The following DNM2 variants were observed in gnomAD, a reference collection of about 807,000 sequenced individuals.
The protein encoded by DNM2 is dynamin 2, also known as dynamin-2.
DNM2 carries 15 observed loss-of-function variants against 99.0 expected under a neutral mutation model. The observed-to-expected ratio is 0.15, with a 90% confidence interval of 0.10 to 0.23. DNM2 has a LOEUF of 0.23. DNM2 is among the 10% of genes least tolerant of loss of function. DNM2 has a pLI of 1.00. For missense variants in DNM2, 742 were observed against 1,189.4 expected, an observed-to-expected ratio of 0.62 and a Z score of 5.53; for synonymous variants, 525 against 481.2, an observed-to-expected ratio of 1.09 and a Z score of -1.19.
intron 2 of DNM2, among the ~76,000 whole-genome samples, chr19:10,761,008 G>A (rs1568284634): frequency 6.6e-6 from 1 of 151,074 alleles, no homozygotes; most frequent in African/African-American, 2.4e-5. Context: ...TTTATTTTTT[G>A]AGACAAAGTC....
At chr19:10,727,488 C>T (rs1015156512) in intron 1 of DNM2, among the ~76,000 whole-genome samples, 1 of 152,058 alleles carries the variant, frequency 6.6e-6, no homozygotes, top group South Asian at 2.1e-4. Context: ...ACTTCAGCCT[C>T]CCAATTAGCT....
In DNM2 at chr19:10,796,908, G is replaced by A. The variant is rs1026583619; in HGVS notation, c.1197-472G>A. Among the ~76,000 whole-genome samples, 1 of 152,154 alleles carries A rather than the reference G, an allele frequency of 6.6e-6. No homozygotes were observed. The highest frequency in any genetic ancestry group is 1.5e-5 in the Non-Finnish European group (1 of 68,018). On this transcript the variant is annotated intron_variant, in intron 9 of 20. Transcript: ENST00000389253. This position sits in a 1 kb window ranked among gnomAD's most constrained non-coding sequence, Gnocchi z 5.6. Reference sequence around the variant, plus strand: ...AAGCAGCTGAAATGCCTCCCAGTGGGCAGTCTGTGCTTGCGCGACCACAGT... The same window carrying A: ...AAGCAGCTGAAATGCCTCCCAGTGGACAGTCTGTGCTTGCGCGACCACAGT...
intron 1 of DNM2, among the ~76,000 whole-genome samples, chr19:10,720,212 A>AT (rs1466145085): frequency 3.4e-4 from 49 of 145,422 alleles, no homozygotes; most frequent in Middle Eastern, 3.4e-3. Context: ...TTATTTATTT[A>AT]TTTATTTTTT....
intron 1 of DNM2, among the ~76,000 whole-genome samples, chr19:10,736,633 GTCTC>G (rs906380533): frequency 1.3e-5 from 2 of 152,162 alleles, no homozygotes; most frequent in African/African-American, 4.8e-5. Flanking sequence ...TTTAGACAAA[GTCTC>G]TCTCTGGCAC....
In DNM2 at chr19:10,725,091, TG is replaced by T; in HGVS notation, c.161+6690del. Among the ~76,000 whole-genome samples, 6 of 152,336 alleles carry T rather than the reference TG, an allele frequency of 3.9e-5. 1 individual carries two copies. The highest frequency in any genetic ancestry group is 3.9e-4 in the Admixed American group (6 of 15,292). On this transcript the variant is annotated intron_variant, in intron 1 of 20. Coordinates refer to ENST00000389253, the MANE Select transcript of DNM2 (RefSeq NM_001005361.3). The stretch of plus-strand genomic sequence containing the variant: ...CAGATCTTATTAGTTTAGAGCCACT[TG>T]GAAATGACATCTTCTGTTTCCAGTG...
In DNM2 at chr19:10,772,580, A is replaced by C; in HGVS notation, c.337A>C (p.Lys113Gln). The C allele has an allele frequency of 1.9e-6, 3 of 1,614,178 alleles. No individual in the cohort carries two copies. The highest frequency in any genetic ancestry group is 2.5e-6 in the Non-Finnish European group (3 of 1,180,034). Residue 113 changes from lysine (K) to glutamine (Q), a missense_variant, in exon 3 of 21, where the codon AAA becomes CAA. Transcript: ENST00000389253. The surrounding 1 kb of genome is among the most constrained non-coding windows in gnomAD (Gnocchi z 4.9). ...AETDRVTGTN[K>Q]GISPVPINLR... ...GACCGACAGGGTCACGGGGACCAAC[A>C]AAGGCATCTCCCCAGTGCCCATCAA...
intron 5 of DNM2, among the ~76,000 whole-genome samples, chr19:10,782,592 TTG>T (rs1366931573): frequency 1.3e-5 from 2 of 148,276 alleles, no homozygotes; most frequent in Non-Finnish European, 3.0e-5. Context: ...GCTCCTTACC[TTG>T]TGATCTACCC....
At chr19:10,800,756 G>A (rs2072106394) in intron 11 of DNM2, among the ~76,000 whole-genome samples, 1 of 152,262 alleles carries the variant, frequency 6.6e-6, no homozygotes, top group Non-Finnish European at 1.5e-5. Context: ...TCAAGCCAGT[G>A]AGCTGCCTGG....
chr19:10,814,826 A>C (rs1701802590), intron 15 of DNM2, among the ~76,000 whole-genome samples: 2 of 152,208 alleles, frequency 1.3e-5, no homozygotes, highest in African/African-American at 4.8e-5. Context: ...GGCCCTGATC[A>C]ACCCGTTTCT....
intron 5 of DNM2, among the ~76,000 whole-genome samples, chr19:10,778,822 C>G (rs1194251255): frequency 6.6e-6 from 1 of 152,126 alleles, no homozygotes; most frequent in African/African-American, 2.4e-5. Context: ...AATTATTGTT[C>G]TCTGTTAGCT....
chr19:10,733,702 C>G (rs1256196389), intron 1 of DNM2, among the ~76,000 whole-genome samples: 1 of 151,888 alleles, frequency 6.6e-6, no homozygotes, highest in Non-Finnish European at 1.5e-5. Context: ...AACATAACCT[C>G]TTCTCTAAAA....
chr19:10,777,086 G>C (rs1310393966), intron 4 of DNM2, 32 bp from the exon 5 acceptor site: 1 of 1,611,180 alleles, frequency 6.2e-7, no homozygotes, highest in South Asian at 1.1e-5. Flanking sequence ...CCTGGTGGCA[G>C]CCTCTGACCT....
rs140698780 is a variant in DNM2 at position 10,746,089 on chromosome 19, G to T, written c.162-13649G>T. Reference sequence around the variant, plus strand: ...TTCTCGTGCCTCAGCCTCCTGAGCAGCTAGGAGTACAGGCACACGCCACCA... The same window carrying T: ...TTCTCGTGCCTCAGCCTCCTGAGCATCTAGGAGTACAGGCACACGCCACCA... On this transcript the variant is annotated intron_variant, in intron 1 of 20. Coordinates refer to ENST00000389253, the MANE Select transcript of DNM2 (RefSeq NM_001005361.3). Among the ~76,000 whole-genome samples, 241 of 152,228 alleles carry T rather than the reference G, an allele frequency of 1.6e-3. 1 individual carries two copies. The highest frequency in any genetic ancestry group is 3.4e-3 in the Middle Eastern group (1 of 294).
rs564106306 is a variant in DNM2, at chr19:10,743,074, C to T, written c.162-16664C>T. ...GACCACAGGCGTGTGCCACCACGCC[C>T]GGCTAATTTTTTGTAGAGGCGAGGT... On this transcript the variant is annotated intron_variant, in intron 1 of 20. Transcript: ENST00000389253. Among the ~76,000 whole-genome samples the T allele has an allele frequency of 2.4e-4, 36 of 152,010 alleles. No individual in the cohort carries two copies. The Middle Eastern group carries it at 0.01, about 43-fold the overall frequency.
rs939420036 is a variant in DNM2 at position 10,812,394 on chromosome 19, A to G, written c.1671+17A>G. The G allele has an allele frequency of 6.3e-7, 1 of 1,588,532 alleles. No individual in the cohort carries two copies. Among genetic ancestry groups the G allele is most frequent in the Non-Finnish European group, 8.6e-7 (1 of 1,166,462 alleles). On this transcript the variant is annotated intron_variant, in intron 15 of 20. Transcript: ENST00000389253. This position sits in a 1 kb window ranked among gnomAD's most constrained non-coding sequence, Gnocchi z 4.0. ...GATGAGGAGGTGAGTGGCAGGCGGG[A>G]GCAGGGCTGCTGGGGTAGGTGGGGC... is the stretch of plus-strand genomic sequence containing the variant.
intron 3 of DNM2, among the ~76,000 whole-genome samples, chr19:10,773,380 C>T (rs555071104): frequency 6.6e-5 from 10 of 151,890 alleles, no homozygotes; most frequent in African/African-American, 2.2e-4. Flanking sequence ...AACTCCCGAC[C>T]TTGTGATCTG....
At chr19:10,731,267 C>A (rs372687698) in intron 1 of DNM2, among the ~76,000 whole-genome samples, 1 of 152,162 alleles carries the variant, frequency 6.6e-6, no homozygotes, top group Non-Finnish European at 1.5e-5. Context: ...CAGCCTCCAC[C>A]CCCGGGAGGC....
At chr19:10,744,729 C>T (rs576504318) in intron 1 of DNM2, among the ~76,000 whole-genome samples, 51 of 152,256 alleles carry the variant, frequency 3.3e-4, no homozygotes, top group Middle Eastern at 6.8e-3. Context: ...TCACCACAAC[C>T]GTTTTACAGA....
In DNM2 at chr19:10,829,239, C is replaced by A; in HGVS notation, c.2262C>A (p.Asp754Glu). The A allele has an allele frequency of 6.2e-7, 1 of 1,613,808 alleles. No individual in the cohort carries two copies. The highest frequency in any genetic ancestry group is 1.1e-5 in the South Asian group (1 of 91,086). Residue 754 changes from aspartate (D) to glutamate (E), a missense_variant, in exon 19 of 21, where the codon GAC becomes GAA. Physicochemically the swap from Asp to Glu is conservative, Grantham distance 45. This residue lies in a region of DNM2 where 187 missense variants were observed against 218.8 expected (regional missense o/e 0.85). Transcript: ENST00000389253. ...CGCCTGTACCCCCGCCTGTCGATGA[C>A]ACCTGGCTCCAGAGCGCCAGCAGCC... ...VSTPVPPPVD[D>E]TWLQSASSHS...
Sources: allele counts gnomAD v4.1 joint callset (sites outside exome capture counted in the v4.1 genomes callset), GRCh38; gene constraint gnomAD v4.1.1; regional missense constraint gnomAD v4.1.1; non-coding constraint Gnocchi (gnomAD v3.1); transcripts MANE v1.5; gene names NCBI Gene and HGNC (gene_info 2026-07-23, HGNC 2026-07-21).